STAG1: variants seen among roughly 807,000 people sequenced by gnomAD.
The protein encoded by STAG1 is STAG1 cohesin complex component, also known as cohesin subunit SA-1.
A neutral mutation model predicts 170.9 loss-of-function variants in STAG1; 26 were observed. The ratio of observed to expected loss-of-function variants is 0.15; its 90% CI spans 0.11 to 0.21. The LOEUF is 0.21. STAG1 is among the 10% of genes least tolerant of loss of function. The pLI, the probability that STAG1 is intolerant of heterozygous loss-of-function variation, is 1.00. For synonymous variants in STAG1, 514 were observed against 497.7 expected, an observed-to-expected ratio of 1.03 and a Z score of -0.44; for missense variants, 964 against 1,509.5, an observed-to-expected ratio of 0.64 and a Z score of 5.99.
intron 15 of STAG1, among the ~76,000 whole-genome samples, chr3:136,440,281 G>T (rs1205186312): frequency 6.6e-6 from 1 of 152,092 alleles, no homozygotes; most frequent in African/African-American, 2.4e-5. Flanking sequence ...GGGACTACAG[G>T]CGCCCGCCAC....
chr3:136,359,760 T>G (rs931681442), intron 26 of STAG1, among the ~76,000 whole-genome samples: 3 of 152,190 alleles, frequency 2.0e-5, no homozygotes, highest in Non-Finnish European at 4.4e-5. Flanking sequence ...CCGCCTGCCC[T>G]GGGCTCCCAA....
chr3:136,599,970 A>G (rs1263086410), intron 4 of STAG1, among the ~76,000 whole-genome samples: 1 of 152,200 alleles, frequency 6.6e-6, no homozygotes, highest in African/African-American at 2.4e-5. Flanking sequence ...ATAAAAGACA[A>G]GAGTGGGAAT....
chr3:136,615,823 C>T (rs545402377), intron 3 of STAG1, among the ~76,000 whole-genome samples: 22 of 151,506 alleles, frequency 1.5e-4, no homozygotes, highest in African/African-American at 5.1e-4. Flanking sequence ...TATTCCCACC[C>T]GGCACTATTA....
At chr3:136,663,662 G>A (rs182409847) in intron 1 of STAG1, among the ~76,000 whole-genome samples, 23 of 152,324 alleles carry the variant, frequency 1.5e-4, no homozygotes, top group Admixed American at 1.4e-3. Context: ...GGACTGTTAA[G>A]TAAACTATAA....
At chr3:136,660,319 C>G (rs1024967249) in intron 1 of STAG1, among the ~76,000 whole-genome samples, 1 of 152,090 alleles carries the variant, frequency 6.6e-6, no homozygotes, top group African/African-American at 2.4e-5. Flanking sequence ...TGCAAAATAA[C>G]ATCAAAGCTG....
intron 1 of STAG1, among the ~76,000 whole-genome samples, chr3:136,696,350 C>G (rs1942891607): frequency 6.6e-6 from 1 of 152,146 alleles, no homozygotes; most frequent in Admixed American, 6.5e-5. Context: ...GGCCCCTTGA[C>G]TCCAGTTTAG....
intron 6 of STAG1, among the ~76,000 whole-genome samples, chr3:136,534,837 G>A (rs1935545287): frequency 1.3e-5 from 2 of 152,164 alleles, no homozygotes; most frequent in Non-Finnish European, 2.9e-5. Context: ...AAACAGTGTG[G>A]AGATTTTTCA....
chr3:136,675,214 G>C (rs1407605316), intron 1 of STAG1, among the ~76,000 whole-genome samples: 1 of 152,146 alleles, frequency 6.6e-6, no homozygotes, highest in Non-Finnish European at 1.5e-5. Flanking sequence ...TTCCAGAAAA[G>C]AGTGACCATT....
At chr3:136,714,682 C>A (rs996752771) in intron 1 of STAG1, among the ~76,000 whole-genome samples, 1 of 151,690 alleles carries the variant, frequency 6.6e-6, no homozygotes, top group Admixed American at 6.6e-5. Flanking sequence ...GAGCCAAGAT[C>A]GTGCCACTGC....
intron 1 of STAG1, among the ~76,000 whole-genome samples, chr3:136,748,230 T>C (rs1237232356): frequency 1.3e-5 from 2 of 151,784 alleles, no homozygotes; most frequent in Non-Finnish European, 2.9e-5. Context: ...TGAAACACTG[T>C]CTCTACCAAA....
chr3:136,499,709 C>T (rs1260155229), intron 9 of STAG1: 1 of 152,100 alleles, frequency 6.6e-6, no homozygotes, highest in Non-Finnish European at 1.5e-5. Context: ...AAATATTTTG[C>T]TAATGGCTTT....
intron 1 of STAG1, among the ~76,000 whole-genome samples, chr3:136,655,574 C>T (rs750851626): frequency 6.6e-6 from 1 of 152,150 alleles, no homozygotes; most frequent in African/African-American, 2.4e-5. Context: ...GCCAGCCTGG[C>T]CAACATGGTG....
At chr3:136,666,030 G>A (rs1240864508) in intron 1 of STAG1, among the ~76,000 whole-genome samples, 2 of 128,066 alleles carry the variant, frequency 1.6e-5, no homozygotes, top group South Asian at 2.7e-4. Context: ...CGCCGAGATT[G>A]CGCCACTGCA....
intron 1 of STAG1, among the ~76,000 whole-genome samples, chr3:136,707,416 G>T (rs1035262556): frequency 1.3e-5 from 2 of 152,034 alleles, no homozygotes; most frequent in African/African-American, 2.4e-5. Flanking sequence ...TAAACGAATG[G>T]CCAACAAGCA....
intron 12 of STAG1, among the ~76,000 whole-genome samples, chr3:136,471,658 C>G (rs1406418043): frequency 6.6e-6 from 1 of 152,214 alleles, no homozygotes; most frequent in African/African-American, 2.4e-5. Context: ...TAGATTCTTG[C>G]TAGTTTTTAG....
At chr3:136,528,829 C>T (rs1023625216) in intron 6 of STAG1, among the ~76,000 whole-genome samples, 2 of 151,724 alleles carry the variant, frequency 1.3e-5, no homozygotes, top group Non-Finnish European at 2.9e-5. Context: ...ATTTGGGAGG[C>T]TGAAGTGGGA....
intron 1 of STAG1, among the ~76,000 whole-genome samples, chr3:136,748,260 G>C (rs2107959358): frequency 6.6e-6 from 1 of 151,992 alleles, no homozygotes; most frequent in East Asian, 2.0e-4. Context: ...AATTAGCTAG[G>C]TGTACTGGCA....
rs561770022 is a variant in STAG1, at chr3:136,537,509, T to A, written c.471+4610A>T. On this transcript the variant is annotated intron_variant, in intron 6 of 33. Transcript: ENST00000383202. ...TTTTTTGTTTATTTTTTTTTTGTTTTTTTTTTTTTGAGGTGAAGTCTCACT... is the reference window on the plus strand; with the variant it reads ...TTTTTTGTTTATTTTTTTTTTGTTTATTTTTTTTTGAGGTGAAGTCTCACT... 2.5e-4 allele frequency among the ~76,000 whole-genome samples: 37 copies of A among 148,872 alleles called. No homozygotes were observed. The East Asian group carries it at 2.7e-3, about 11-fold the overall frequency.
chr3:136,421,294 TAAGCAAAA>T, intron 19 of STAG1, 131 bp from the exon 20 acceptor site: 1 of 443,168 alleles, frequency 2.3e-6, no homozygotes, highest in African/African-American at 2.0e-5. Context: ...ATAATACAAA[TAAGCAAAA>T]AGGCAAAAAC....
Sources: gnomAD v4.1 joint callset for allele counts (sites outside exome capture counted in the v4.1 genomes callset) on GRCh38, gnomAD v4.1.1 for gene constraint, MANE v1.5 for transcripts, NCBI Gene and HGNC (gene_info 2026-07-23, HGNC 2026-07-21) for gene names.